The following MSRB2 variants were observed in gnomAD, a reference collection of about 807,000 sequenced individuals.
The protein encoded by MSRB2 is methionine sulfoxide reductase B2, also known as methionine-R-sulfoxide reductase B2, mitochondrial.
A neutral mutation model predicts 19.0 loss-of-function variants in MSRB2; 17 were observed. That is an observed-to-expected ratio of 0.89 (90% CI 0.61 to 1.34). MSRB2 has a LOEUF of 1.34. Ranked by LOEUF, MSRB2 falls within the 40% of genes most tolerant of loss-of-function variation. MSRB2 has a pLI of 0.00. For missense variants in MSRB2, 208 were observed against 237.6 expected (o/e 0.88, Z 0.82); for synonymous variants, 107 against 99.7 (o/e 1.07, Z -0.44).
At chr10:23,097,004 A>G (rs1839876380) in intron 1 of MSRB2, among the ~76,000 whole-genome samples, 1 of 152,202 alleles carries the variant, frequency 6.6e-6, no homozygotes, top group Admixed American at 6.5e-5. Flanking sequence ...ACCAGTAGGT[A>G]ACAGGAGCTG....
At chr10:23,104,295 G>C (rs1259935567) in intron 2 of MSRB2, 51 bp downstream of exon 2, 1 of 1,529,498 alleles carries the variant, frequency 6.5e-7, no homozygotes, top group Admixed American at 1.8e-5. Context: ...GGCAGTGAGG[G>C]GCCAGTTGGA....
In MSRB2 at chr10:23,095,718, G is replaced by A. The variant is rs907669280; in HGVS notation, c.110G>A (p.Gly37Glu). The part of the protein sequence containing the change: ...GGGPGTGPGL[G>E]EAGSLATCEL... ...GGGCCCGGCACCGGGCCGGGACTGG[G>A]GGAGGCAGGTAGGACGCGGGTCCCG... The change falls in exon 1 of 5, where the codon GGG (glycine) becomes GAG (glutamate). Residue 37 changes from glycine to glutamate, a missense_variant. Physicochemically the swap from Gly to Glu is moderately conservative, Grantham distance 98. Coordinates refer to ENST00000376510, the MANE Select transcript of MSRB2 (RefSeq NM_012228.4). The A allele has an allele frequency of 7.9e-7, 1 of 1,268,168 alleles. No individual in the cohort carries two copies. Among genetic ancestry groups the A allele is most frequent in the East Asian group, 3.2e-5 (1 of 31,366 alleles). The allele number at this position is 1,268,168 out of a possible 1,614,324, so 78.6% of individuals were successfully genotyped here.
chr10:23,120,623 G>T (rs554400288), intron 4 of MSRB2, 135 bp from the exon 5 acceptor site: 43 of 547,040 alleles, frequency 7.9e-5, no homozygotes, highest in Middle Eastern at 4.9e-4. Flanking sequence ...ATTGAATTCG[G>T]ATGCAATAGA....
At chr10:23,119,049 C>A (rs1337376315) in intron 3 of MSRB2, 1 of 601,508 alleles carries the variant, frequency 1.7e-6, no homozygotes, top group Admixed American at 2.1e-5. Context: ...TTTTTAGATC[C>A]TTGTTGGATA....
chr10:23,104,700 C>A (rs1839965325), intron 2 of MSRB2, among the ~76,000 whole-genome samples: 1 of 152,148 alleles, frequency 6.6e-6, no homozygotes, highest in Admixed American at 6.5e-5. Context: ...TCCTAACGGC[C>A]CCTGGCTCCC....
intron 2 of MSRB2, among the ~76,000 whole-genome samples, chr10:23,105,036 C>A (rs1045074842): frequency 1.3e-5 from 2 of 152,102 alleles, no homozygotes; most frequent in African/African-American, 4.8e-5. Flanking sequence ...AGTAGGCATC[C>A]GAAAAATCAA....
chr10:23,108,877 C>T (rs924640238), intron 2 of MSRB2, among the ~76,000 whole-genome samples: 2 of 152,184 alleles, frequency 1.3e-5, no homozygotes, highest in Non-Finnish European at 2.9e-5. Context: ...TGGATTTCTG[C>T]AGCTAAGTTT....
At chr10:23,115,608 T>C (rs1840102175) in intron 3 of MSRB2, among the ~76,000 whole-genome samples, 1 of 152,198 alleles carries the variant, frequency 6.6e-6, no homozygotes, top group South Asian at 2.1e-4. Flanking sequence ...TAAAAATCCC[T>C]TAGAGTATAT....
At chr10:23,109,757 G>A (rs373185961) in intron 2 of MSRB2, among the ~76,000 whole-genome samples, 3 of 152,170 alleles carry the variant, frequency 2.0e-5, no homozygotes, top group East Asian at 3.8e-4. Flanking sequence ...TAAGTATGCT[G>A]TGTCCTAAAC....
At chr10:23,105,659 C>G (rs913930104) in intron 2 of MSRB2, among the ~76,000 whole-genome samples, 12 of 152,186 alleles carry the variant, frequency 7.9e-5, no homozygotes, top group African/African-American at 2.9e-4. Flanking sequence ...GATATTTTTA[C>G]TAGTGAAGCA....
chr10:23,120,203 T>G lies in MSRB2; in HGVS notation c.445-555T>G, dbSNP rs145806036. 5.3e-5 allele frequency among the ~76,000 whole-genome samples: 8 copies of G among 152,352 alleles called. No individual in the cohort carries two copies. In the East Asian group the frequency reaches 1.5e-3, roughly 29 times the overall value. The stretch of plus-strand genomic sequence containing the variant: ...GTGTCACTGGCCTGCAGAGCAATGC[T>G]GCGGGTGACGTCAGCACCTCTGCCT... On this transcript the variant is annotated intron_variant, in intron 4 of 4. Coordinates refer to ENST00000376510, the MANE Select transcript of MSRB2 (RefSeq NM_012228.4).
At chr10:23,116,458 GA>G (rs1286196041) in intron 3 of MSRB2, among the ~76,000 whole-genome samples, 2 of 152,156 alleles carry the variant, frequency 1.3e-5, no homozygotes, top group Non-Finnish European at 2.9e-5. Flanking sequence ...TACACATATT[GA>G]ACAAACATGC....
chr10:23,104,312 C>G, intron 2 of MSRB2, 68 bp downstream of exon 2: 2 of 1,338,808 alleles, frequency 1.5e-6, no homozygotes, highest in African/African-American at 2.9e-5. Flanking sequence ...TGGAATAGGT[C>G]CAGCTATGAA....
At position 23,118,330 on chromosome 10, in the gene MSRB2, G is replaced by GTTTTTT. The variant is rs199691499; in HGVS notation, c.297-973_297-968dup. Among the ~76,000 whole-genome samples, 104 of 86,580 alleles carry GTTTTTT rather than the reference G, an allele frequency of 1.2e-3. 2 individuals carry two copies. The highest frequency in any genetic ancestry group is 4.7e-3 in the African/African-American group (98 of 20,862). The allele number at this position is 86,580 out of a possible 152,430, so 56.8% of individuals were successfully genotyped here. ...TTTGCTACTTTTTCTTCTTAGATTA[G>GTTTTTT]TTTTTTGTTTTTTTTTTTTTTTTTT... On this transcript the variant is annotated intron_variant, in intron 3 of 4. Transcript: ENST00000376510.
intron 2 of MSRB2, 133 bp from the exon 3 acceptor site, chr10:23,110,109 G>C (rs1840033120): frequency 1.6e-6 from 1 of 636,918 alleles, no homozygotes; most frequent in South Asian, 2.1e-5. Flanking sequence ...TTTCTCTCTG[G>C]CGTTATTTGC....
At position 23,104,241 on chromosome 10, in the gene MSRB2, AC is replaced by A. The variant is rs1564428086; in HGVS notation, c.218del (p.Pro73ArgfsTer8). On this transcript the variant is annotated frameshift_variant and splice_region_variant, in exon 2 of 5. Coordinates refer to ENST00000376510, the MANE Select transcript of MSRB2 (RefSeq NM_012228.4). LOFTEE classifies it high-confidence loss of function. ...ACGTCACAAGAGAAAAGGGAACGGA[AC>A]CGGTAAGCTAAGCTGGTTTACAGTT... ...FYVTREKGTE[P>X]PFSGIYLNNK... The A allele has an allele frequency of 1.9e-6, 3 of 1,612,268 alleles. No homozygotes were observed. In the Admixed American group the frequency reaches 5.0e-5, roughly 27 times the overall value.
rs531770336 is a variant in MSRB2, at chr10:23,120,867, C to G, written c.*5C>G. On this transcript the variant is annotated 3_prime_UTR_variant, in exon 5 of 5. Transcript: ENST00000376510. ...TTCAAACCAAGGAAACACTGACCAT[C>G]TTCAAGAGTCCCGTTCCCTTGCCAC... 3.4e-5 allele frequency: 54 copies of G among 1,609,730 alleles called. No homozygotes were observed. The South Asian group carries it at 5.8e-4, about 17-fold the overall frequency.
rs1009222530 is a variant in MSRB2, at chr10:23,104,183, A to G, written c.158A>G (p.Glu53Gly). Reference protein sequence around the residue: ...ATCELPLAKSEWQKKLTPEQF... With the variant: ...ATCELPLAKSGWQKKLTPEQF... ...TGTGAGCTGCCTCTTGCCAAGAGTG[A>G]GTGGCAAAAGAAACTAACCCCGGAG... The change falls in exon 2 of 5, where the codon GAG becomes GGG. Residue 53 changes from glutamate to glycine, a missense_variant. Glu to Gly is a moderately conservative substitution (Grantham distance 98). Coordinates refer to ENST00000376510, the MANE Select transcript of MSRB2 (RefSeq NM_012228.4). The G allele has an allele frequency of 9.3e-6, 15 of 1,613,846 alleles. No homozygotes were observed. Among genetic ancestry groups the G allele is most frequent in the Non-Finnish European group, 1.3e-5 (15 of 1,179,926 alleles).
chr10:23,115,000 A>G (rs765212615), intron 3 of MSRB2, among the ~76,000 whole-genome samples: 6 of 152,148 alleles, frequency 3.9e-5, no homozygotes, highest in Non-Finnish European at 7.3e-5. Context: ...AGTGTAACTC[A>G]TGAGTTCCCT....
Sources: allele counts gnomAD v4.1 joint callset (sites outside exome capture counted in the v4.1 genomes callset), GRCh38; gene constraint gnomAD v4.1.1; transcripts MANE v1.5; gene names NCBI Gene and HGNC (gene_info 2026-07-23, HGNC 2026-07-21).